The following USP34 variants were observed in gnomAD, a reference collection of about 807,000 sequenced individuals.
USP34 encodes the protein ubiquitin carboxyl-terminal hydrolase 34.
Under a neutral mutation model 460.3 loss-of-function variants are expected in USP34, and 70 were observed. The ratio of observed to expected loss-of-function variants is 0.15; its 90% CI spans 0.13 to 0.19. The LOEUF (loss-of-function observed/expected upper bound fraction) is 0.19. USP34 is among the 10% of genes least tolerant of loss of function. The pLI, the probability that USP34 is intolerant of heterozygous loss-of-function variation, is 1.00. For missense variants in USP34, 3,985 were observed against 4,236.2 expected, an observed-to-expected ratio of 0.94 and a Z score of 1.65; for synonymous variants, 1,647 against 1,405.3, an observed-to-expected ratio of 1.17 and a Z score of -3.85.
chr2:61,236,007 C>T lies in USP34; in HGVS notation c.6966+19G>A. The T allele has an allele frequency of 1.2e-6, 2 of 1,603,188 alleles. No individual in the cohort carries two copies. The highest frequency in any genetic ancestry group is 8.5e-7 in the Non-Finnish European group (1 of 1,177,034). On this transcript the variant is annotated intron_variant, in intron 56 of 79. Coordinates refer to ENST00000398571, the MANE Select transcript of USP34 (RefSeq NM_014709.4). The stretch of plus-strand genomic sequence containing the variant: ...TAAAAACATAAATGACAAAAAAATC[C>T]ATAGTAGAAAACACATACCTTTTCT...
intron 10 of USP34, among the ~76,000 whole-genome samples, chr2:61,360,723 C>T (rs1692249911): frequency 6.6e-6 from 1 of 152,222 alleles, no homozygotes; most frequent in Non-Finnish European, 1.5e-5. Flanking sequence ...GTGGCACCAT[C>T]TTGGCTCATT....
At chr2:61,438,881 T>C (rs1269851654) in intron 1 of USP34, among the ~76,000 whole-genome samples, 1 of 152,164 alleles carries the variant, frequency 6.6e-6, no homozygotes, top group African/African-American at 2.4e-5. Context: ...GTCCCTGTGT[T>C]TGCAGCTGCA....
chr2:61,305,677 G>A (rs2103655205), intron 27 of USP34, among the ~76,000 whole-genome samples: 1 of 152,134 alleles, frequency 6.6e-6, no homozygotes. Flanking sequence ...TAATCTCACA[G>A]ATCTAAGAAG....
At chr2:61,417,592 C>T (rs561397340) in intron 2 of USP34, among the ~76,000 whole-genome samples, 43 of 151,982 alleles carry the variant, frequency 2.8e-4, no homozygotes, top group African/African-American at 9.4e-4. Context: ...TGTAAGCTGT[C>T]GCTCTGAATG....
chr2:61,229,023 G>C (rs1476540378), intron 59 of USP34, 28 bp from the exon 60 acceptor site: 2 of 1,498,786 alleles, frequency 1.3e-6, no homozygotes, highest in African/African-American at 1.4e-5. Context: ...AGATCTTAGA[G>C]AATGTATGAG....
chr2:61,310,821 T>C (rs1315106563), intron 27 of USP34, among the ~76,000 whole-genome samples: 3 of 152,082 alleles, frequency 2.0e-5, no homozygotes, highest in African/African-American at 7.2e-5. Context: ...AAAAAAACTA[T>C]TGGGTTAAAG....
intron 1 of USP34, among the ~76,000 whole-genome samples, chr2:61,426,858 A>G (rs1694526800): frequency 6.6e-6 from 1 of 152,240 alleles, no homozygotes; most frequent in African/African-American, 2.4e-5. Context: ...GGCTCAGGAC[A>G]GCGAGACCGT....
intron 10 of USP34, among the ~76,000 whole-genome samples, chr2:61,359,458 T>A (rs1327901898): frequency 6.6e-6 from 1 of 152,174 alleles, no homozygotes; most frequent in Non-Finnish European, 1.5e-5. Context: ...ATCAAATACT[T>A]AAAAGAAAAA....
In USP34 at chr2:61,314,664, G is replaced by T; in HGVS notation, c.3463C>A (p.Gln1155Lys). ...ACCATGAGACTTGAGTGTGATTCCT[G>T]TTCAAGACTGCTAGAAGCTATCATA... ...SLMIASSSLE[Q>K]ESHSSLMVIE... The change falls in exon 25 of 80, where the codon CAG becomes AAG. Residue 1155 changes from glutamine to lysine, a missense_variant. Transcript: ENST00000398571. 6.2e-7 allele frequency: 1 copy of T among 1,603,686 alleles called. No individual in the cohort carries two copies. Among genetic ancestry groups the T allele is most frequent in the Non-Finnish European group, 8.5e-7 (1 of 1,176,668 alleles).
intron 34 of USP34, among the ~76,000 whole-genome samples, 197 bp downstream of exon 34, chr2:61,288,480 A>C (rs938979505): frequency 1.3e-5 from 2 of 152,164 alleles, no homozygotes; most frequent in Admixed American, 1.3e-4. Context: ...AAATGGCACG[A>C]CTCATTTCTG....
At chr2:61,290,160 T>C (rs1257328243) in intron 33 of USP34, among the ~76,000 whole-genome samples, 1 of 152,178 alleles carries the variant, frequency 6.6e-6, no homozygotes, top group African/African-American at 2.4e-5. Flanking sequence ...CTAACACTAC[T>C]ATACCCATTA....
At chr2:61,422,948 C>T (rs1304665944) in intron 1 of USP34, among the ~76,000 whole-genome samples, 3 of 151,702 alleles carry the variant, frequency 2.0e-5, no homozygotes, top group Non-Finnish European at 4.4e-5. Flanking sequence ...TGAAGTGAGC[C>T]GAAAAAAATC....
At chr2:61,430,265 G>A (rs113528013) in intron 1 of USP34, among the ~76,000 whole-genome samples, 1,756 of 151,360 alleles carry the variant, frequency 0.012, 32 homozygotes, top group African/African-American at 0.04. Flanking sequence ...TTAGCCAGGC[G>A]TGCTGGCACA....
At chr2:61,315,147 C>T (rs1690703569) in intron 23 of USP34, among the ~76,000 whole-genome samples, 173 bp from the exon 24 acceptor site, 1 of 152,028 alleles carries the variant, frequency 6.6e-6, no homozygotes, top group East Asian at 1.9e-4. Context: ...TGTACTAGTT[C>T]TAAAAAATAT....
chr2:61,458,087 G>C (rs1695489749), intron 1 of USP34, among the ~76,000 whole-genome samples: 1 of 152,124 alleles, frequency 6.6e-6, no homozygotes, highest in African/African-American at 2.4e-5. Flanking sequence ...AGTAGTAACA[G>C]TTGCAATCAT....
intron 62 of USP34, 147 bp from the exon 63 acceptor site, chr2:61,223,443 G>A: frequency 2.5e-6 from 2 of 799,698 alleles, no homozygotes; most frequent in Non-Finnish European, 3.8e-6. Flanking sequence ...ACATTTGCTT[G>A]CTAAATGTCT....
At chr2:61,451,530 A>T (rs1695276610) in intron 1 of USP34, among the ~76,000 whole-genome samples, 1 of 151,918 alleles carries the variant, frequency 6.6e-6, no homozygotes, top group South Asian at 2.1e-4. Context: ...TAAAAATGCA[A>T]ACTTAACCGG....
chr2:61,190,517 C>A lies in USP34; in HGVS notation c.9729+1G>T. On this transcript the variant is annotated splice_donor_variant, in intron 77 of 79. Coordinates refer to ENST00000398571, the MANE Select transcript of USP34 (RefSeq NM_014709.4). LOFTEE classifies it high-confidence loss of function. ...CACTGAGTTTCCAAAGTACTACGTA[C>A]CTTTAGAAGGAAATGTGTCATGAAC... 1 of 1,613,278 alleles carries A rather than the reference C, an allele frequency of 6.2e-7. No individual in the cohort carries two copies. Among genetic ancestry groups the A allele is most frequent in the Non-Finnish European group, 8.5e-7 (1 of 1,179,692 alleles).
intron 1 of USP34, among the ~76,000 whole-genome samples, chr2:61,440,105 C>T (rs558242441): frequency 6.6e-6 from 1 of 152,186 alleles, no homozygotes; most frequent in South Asian, 2.1e-4. Context: ...TGCCTGAGTG[C>T]TACACAGAAA....
Sources: allele counts gnomAD v4.1 joint callset (sites outside exome capture counted in the v4.1 genomes callset), GRCh38; gene constraint gnomAD v4.1.1; transcripts MANE v1.5; gene names NCBI Gene and HGNC (gene_info 2026-07-23, HGNC 2026-07-21).